Variants in ERC1 observed in about 807,000 individuals in gnomAD.
The protein encoded by ERC1 is ELKS/RAB6-interacting/CAST family member 1.
ERC1 carries 56 observed loss-of-function variants against 132.0 expected under a neutral mutation model. That is an observed-to-expected ratio of 0.42 (90% CI 0.34 to 0.53). The LOEUF (loss-of-function observed/expected upper bound fraction) is 0.53, where lower values mean the gene tolerates loss of function less well. Among genes scored for constraint, ERC1 ranks in the 20% least tolerant of loss-of-function variants. ERC1 has a pLI of 0.03. For missense variants in ERC1, 1,202 were observed against 1,349.9 expected (o/e 0.89, Z 1.72); for synonymous variants, 478 against 476.1 (o/e 1.00, Z -0.05).
At chr12:1,439,451 CAAAT>C (rs2093041785) in intron 17 of ERC1, among the ~76,000 whole-genome samples, 3 of 152,124 alleles carry the variant, frequency 2.0e-5, no homozygotes, top group South Asian at 4.1e-4. Flanking sequence ...AATACATAAA[CAAAT>C]AAATTCTTAC....
intron 4 of ERC1, among the ~76,000 whole-genome samples, chr12:1,108,537 T>C (rs2154201336): frequency 6.6e-6 from 1 of 152,350 alleles, no homozygotes; most frequent in South Asian, 2.1e-4. Flanking sequence ...GCTAGTCATA[T>C]GCTTATGCCT....
At chr12:1,242,939 G>A (rs2154307455) in intron 13 of ERC1, among the ~76,000 whole-genome samples, 1 of 152,272 alleles carries the variant, frequency 6.6e-6, no homozygotes, top group South Asian at 2.1e-4. Context: ...TGTAATCCCA[G>A]CACTTTGGGA....
Position 1,388,981 on chromosome 12 carries a change from T to A in ERC1, c.2925+17004T>A, listed in dbSNP as rs559969923. Among the ~76,000 whole-genome samples the A allele has an allele frequency of 2.6e-5, 4 of 152,310 alleles. No homozygotes were observed. In the South Asian group the frequency reaches 8.3e-4, roughly 32 times the overall value. Reference sequence around the variant, plus strand: ...CAGTAATCCAATTCTACTAAAAATTTCCTCCTTTAGCTCTTTCAGTATGAG... The same window carrying A: ...CAGTAATCCAATTCTACTAAAAATTACCTCCTTTAGCTCTTTCAGTATGAG... On this transcript the variant is annotated intron_variant, in intron 16 of 18. Transcript: ENST00000360905.
At chr12:1,167,721 T>TC (rs537682301) in intron 8 of ERC1, among the ~76,000 whole-genome samples, 19 of 151,172 alleles carry the variant, frequency 1.3e-4, no homozygotes, top group African/African-American at 4.4e-4. Context: ...TCTTTTCTTT[T>TC]TTTTTTTTTT....
chr12:1,092,388 A>G (rs894761679), intron 3 of ERC1, among the ~76,000 whole-genome samples: 17 of 152,238 alleles, frequency 1.1e-4, no homozygotes, highest in African/African-American at 4.1e-4. Flanking sequence ...TTAACAGTCT[A>G]TATCAGCAAA....
chr12:1,274,268 T>G (rs1013926480), intron 14 of ERC1, among the ~76,000 whole-genome samples: 4 of 152,176 alleles, frequency 2.6e-5, no homozygotes, highest in African/African-American at 4.8e-5. Flanking sequence ...TGCTAGAAAC[T>G]GAGAATACTT....
At chr12:1,136,080 A>G (rs1298014676) in intron 7 of ERC1, among the ~76,000 whole-genome samples, 2 of 152,228 alleles carry the variant, frequency 1.3e-5, no homozygotes, top group African/African-American at 2.4e-5. Flanking sequence ...AGTCTTCTTC[A>G]TCAGAAACCT....
At position 1,493,546 on chromosome 12, in the gene ERC1, A is replaced by ATATATATATATATATATATATATATAT. The variant is rs58984591; in HGVS notation, c.*3316_*3317insTATATATATATATATATATATATATAT. On this transcript the variant is annotated 3_prime_UTR_variant, in exon 19 of 19. Transcript: ENST00000360905. ...AGACTCCATTTAAAAAAAAAAAAAA[A>ATATATATATATATATATATATATATAT]AAATATATATATATATATATATATA... 1 of 24,060 alleles carries ATATATATATATATATATATATATATAT rather than the reference A, an allele frequency of 4.2e-5. No individual in the cohort carries two copies. The highest frequency in any genetic ancestry group is 8.1e-5 in the Non-Finnish European group (1 of 12,386). 1.5% of individuals were successfully genotyped at this position (24,060 alleles called of 1,614,324 possible). A position where few individuals can be genotyped will look rare whatever the true frequency, so the allele number is the denominator to read the frequency against.
intron 2 of ERC1, among the ~76,000 whole-genome samples, chr12:1,069,321 A>G (rs1192959999): frequency 6.6e-6 from 1 of 152,200 alleles, no homozygotes; most frequent in Non-Finnish European, 1.5e-5. Flanking sequence ...AGCTGTATAT[A>G]AAATGGAAAA....
chr12:1,046,481 A>T (rs1971100372), intron 2 of ERC1, among the ~76,000 whole-genome samples: 1 of 152,192 alleles, frequency 6.6e-6, no homozygotes, highest in Admixed American at 6.5e-5. Flanking sequence ...ATAAAGTTTT[A>T]TTGGGACACA....
chr12:1,171,554 C>T (rs761391744), intron 8 of ERC1, among the ~76,000 whole-genome samples: 3 of 151,970 alleles, frequency 2.0e-5, no homozygotes, highest in Non-Finnish European at 2.9e-5. Context: ...GTATTTCTGC[C>T]ATCAATACTG....
chr12:1,357,466 A>G (rs567743686), intron 15 of ERC1, among the ~76,000 whole-genome samples: 63 of 152,244 alleles, frequency 4.1e-4, no homozygotes, highest in Non-Finnish European at 7.9e-4. Flanking sequence ...TTCTTAAAAC[A>G]GACATCTAAA....
intron 15 of ERC1, among the ~76,000 whole-genome samples, chr12:1,303,971 G>GAAAA (rs781346379): frequency 8.8e-6 from 1 of 113,464 alleles, no homozygotes; most frequent in Non-Finnish European, 1.9e-5. Flanking sequence ...AAAAAAAAAA[G>GAAAA]AATTCCATTA....
At chr12:1,062,554 C>T (rs768324823) in intron 2 of ERC1, among the ~76,000 whole-genome samples, 53 of 152,198 alleles carry the variant, frequency 3.5e-4, no homozygotes, top group Middle Eastern at 6.8e-3. Flanking sequence ...AGTTTTATCC[C>T]ACTGTGGTCT....
chr12:1,297,435 C>T (rs185529832), intron 15 of ERC1, among the ~76,000 whole-genome samples: 1 of 151,152 alleles, frequency 6.6e-6, no homozygotes, highest in Non-Finnish European at 1.5e-5. Context: ...GGCACTGTGG[C>T]TCATGCCTGT....
rs1946609915 is a variant in ERC1, at chr12:1,117,798, G to A, written c.1569+1765G>A. 2.0e-5 allele frequency among the ~76,000 whole-genome samples: 3 copies of A among 152,290 alleles called. No homozygotes were observed. The South Asian group carries it at 6.2e-4, about 32-fold the overall frequency. On this transcript the variant is annotated intron_variant, in intron 7 of 18. Coordinates refer to ENST00000360905, the MANE Select transcript of ERC1 (RefSeq NM_178040.4). ...TGCATATACTGTTGAGATGTTAAGA[G>A]AACATAGTATTTAGATGATCTGCAT...
At chr12:1,365,196 A>G (rs1348936466) in intron 15 of ERC1, among the ~76,000 whole-genome samples, 1 of 152,250 alleles carries the variant, frequency 6.6e-6, no homozygotes, top group African/African-American at 2.4e-5. Context: ...GTGTTCAGTT[A>G]GAGAAAAACA....
At chr12:1,181,619 A>G (rs1331812428) in intron 9 of ERC1, among the ~76,000 whole-genome samples, 1 of 151,934 alleles carries the variant, frequency 6.6e-6, no homozygotes, top group African/African-American at 2.4e-5. Context: ...ACCAACGTGG[A>G]GAAACCCTGT....
chr12:1,493,264 C>T lies in ERC1; in HGVS notation c.*3034C>T, dbSNP rs559407423. The T allele has an allele frequency of 4.9e-3, 911 of 185,760 alleles. 5 individuals are homozygous for T. The highest frequency in any genetic ancestry group is 7.3e-3 in the Non-Finnish European group (641 of 87,818). 11.5% of individuals were successfully genotyped at this position (185,760 alleles called of 1,614,324 possible). ...CATGTTTAAGAAATATGGATGGGGC[C>T]GGCCACAGTGGCTCACGCCTGTAAT... On this transcript the variant is annotated 3_prime_UTR_variant, in exon 19 of 19. Coordinates refer to ENST00000360905, the MANE Select transcript of ERC1 (RefSeq NM_178040.4).
Sources: gnomAD v4.1 joint callset for allele counts (sites outside exome capture counted in the v4.1 genomes callset) on GRCh38, gnomAD v4.1.1 for gene constraint, MANE v1.5 for transcripts, NCBI Gene and HGNC (gene_info 2026-07-23, HGNC 2026-07-21) for gene names.